Variants in UNC13A observed in about 807,000 individuals in gnomAD.
The protein encoded by UNC13A is unc-13 homolog A, also known as protein unc-13 homolog A.
A neutral mutation model predicts 219.7 loss-of-function variants in UNC13A; 61 were observed. The ratio of observed to expected loss-of-function variants is 0.28; its 90% CI spans 0.23 to 0.34. The LOEUF (loss-of-function observed/expected upper bound fraction) is 0.34, where lower values mean the gene tolerates loss of function less well. Ranked by LOEUF, UNC13A falls within the 10% of genes least tolerant of loss-of-function variation. The probability of loss-of-function intolerance (pLI) is 1.00; values close to 1 mark genes in which losing one functional copy is unlikely to be tolerated. For synonymous variants in UNC13A, 920 were observed against 884.6 expected (o/e 1.04, Z -0.71); for missense variants, 1,476 against 2,270.3 (o/e 0.65, Z 7.11).
intron 11 of UNC13A, among the ~76,000 whole-genome samples, chr19:17,654,599 G>A (rs73009941): frequency 0.087 from 13,285 of 152,156 alleles, 730 homozygotes; most frequent in Non-Finnish European, 0.12. Context: ...AGGAATAAAC[G>A]AATGGCCTCA....
intron 1 of UNC13A, 63 bp downstream of exon 1, chr19:17,688,115 A>T (rs1021754522): frequency 2.0e-6 from 3 of 1,507,818 alleles, no homozygotes; most frequent in Non-Finnish European, 1.8e-6. Flanking sequence ...AGCCGCATCC[A>T]CGCGGACCCC....
In UNC13A at chr19:17,607,486, C is replaced by A. The variant is rs997859292; in HGVS notation, c.4812-1132G>T. ...GGGGGGGGGGGTCTCACCATGTTGGCCACGCTGGTCTCGAACTCCTAACCT... is the reference window on the plus strand; with the variant it reads ...GGGGGGGGGGGTCTCACCATGTTGGACACGCTGGTCTCGAACTCCTAACCT... On this transcript the variant is annotated intron_variant, in intron 43 of 43. Transcript: ENST00000519716. 1.5e-3 allele frequency among the ~76,000 whole-genome samples: 213 copies of A among 146,632 alleles called. 1 individual carries two copies. Among genetic ancestry groups the A allele is most frequent in the African/African-American group, 5.1e-3 (200 of 39,260 alleles).
chr19:17,670,163 G>T (rs2079757557), intron 4 of UNC13A, among the ~76,000 whole-genome samples: 1 of 151,758 alleles, frequency 6.6e-6, no homozygotes, highest in South Asian at 2.1e-4. Context: ...AGCCAGGATG[G>T]TCTCAATCTC....
chr19:17,618,593 A>G, intron 39 of UNC13A, 92 bp from the exon 40 acceptor site: 1 of 1,302,254 alleles, frequency 7.7e-7, no homozygotes, highest in Non-Finnish European at 1.1e-6. Context: ...AACTTGGAGG[A>G]GCTGGGCTGA....
Position 17,676,298 on chromosome 19 carries a change from C to T in UNC13A, c.23-257G>A. 4.9e-6 allele frequency: 3 copies of T among 612,896 alleles called. No homozygotes were observed. The South Asian group carries it at 5.0e-5, about 10-fold the overall frequency. 38.0% of individuals were successfully genotyped at this position (612,896 alleles called of 1,614,324 possible). On this transcript the variant is annotated intron_variant, in intron 1 of 43. Coordinates refer to ENST00000519716, the MANE Select transcript of UNC13A (RefSeq NM_001080421.3). Reference sequence around the variant, plus strand: ...GATGAGAGGGAGAGAGAGAAGCCATCAGACAGATGAGCACAGGCAACCCTA... The same window carrying T: ...GATGAGAGGGAGAGAGAGAAGCCATTAGACAGATGAGCACAGGCAACCCTA...
In UNC13A at chr19:17,627,954, C is replaced by T. The variant is rs1374006894; in HGVS notation, c.3754-14G>A. 2.2e-5 allele frequency: 35 copies of T among 1,581,506 alleles called. No homozygotes were observed. Among genetic ancestry groups the T allele is most frequent in the Non-Finnish European group, 3.0e-5 (35 of 1,161,258 alleles). On this transcript the variant is annotated splice_polypyrimidine_tract_variant and intron_variant, in intron 31 of 43. Coordinates refer to ENST00000519716, the MANE Select transcript of UNC13A (RefSeq NM_001080421.3). This position sits in a 1 kb window ranked among gnomAD's most constrained non-coding sequence, Gnocchi z 4.7. ...GAGAATGCAGGGCTGTGGGTGGGAA[C>T]AGAGAGGGGAGTCAAGCCTCAGGAC...
Position 17,605,917 on chromosome 19 carries a change from G to T in UNC13A, c.*137C>A. On this transcript the variant is annotated 3_prime_UTR_variant, in exon 44 of 44. Coordinates refer to ENST00000519716, the MANE Select transcript of UNC13A (RefSeq NM_001080421.3). Reference sequence around the variant, plus strand: ...CCCCAAAAGGGAAAGCTGAGTCAAGGGCGTAGGCGCAGCCCACCCTTGGCG... The same window carrying T: ...CCCCAAAAGGGAAAGCTGAGTCAAGTGCGTAGGCGCAGCCCACCCTTGGCG... 1 of 797,344 alleles carries T rather than the reference G, an allele frequency of 1.3e-6. No homozygotes were observed. The highest frequency in any genetic ancestry group is 1.8e-6 in the Non-Finnish European group (1 of 561,726). 49.4% of individuals were successfully genotyped at this position (797,344 alleles called of 1,614,324 possible).
intron 11 of UNC13A, among the ~76,000 whole-genome samples, chr19:17,654,041 A>G (rs1182304744): frequency 6.7e-6 from 1 of 149,966 alleles, no homozygotes; most frequent in Admixed American, 6.6e-5. Flanking sequence ...GTTAGCCAGG[A>G]TGGTCTCGAT....
chr19:17,650,848 C>T (rs1759137468), intron 12 of UNC13A, among the ~76,000 whole-genome samples: 1 of 151,966 alleles, frequency 6.6e-6, no homozygotes, highest in South Asian at 2.1e-4. Context: ...CTCACTGTAG[C>T]CTCCACCTCC....
Position 17,649,466 on chromosome 19 carries a change from G to T in UNC13A, c.1518+43C>A. On this transcript the variant is annotated intron_variant, in intron 13 of 43. Coordinates refer to ENST00000519716, the MANE Select transcript of UNC13A (RefSeq NM_001080421.3). The surrounding 1 kb of genome is among the most constrained non-coding windows in gnomAD (Gnocchi z 4.4). ...TTCCACAGGTTGTGCACTGCTTATA[G>T]CAGGCCTGCTCTGCTCAGGGAGTAA... The T allele has an allele frequency of 6.2e-7, 1 of 1,613,788 alleles. No individual in the cohort carries two copies. Among genetic ancestry groups the T allele is most frequent in the East Asian group, 2.2e-5 (1 of 44,886 alleles).
intron 43 of UNC13A, among the ~76,000 whole-genome samples, chr19:17,608,959 C>CT (rs35529137): frequency 0.13 from 18,034 of 134,366 alleles, 2,076 homozygotes; most frequent in African/African-American, 0.31. Flanking sequence ...CCAGAGCAGA[C>CT]TTTTTTTTTT....
chr19:17,635,159 C>T (rs545196547), intron 26 of UNC13A, among the ~76,000 whole-genome samples: 31 of 152,306 alleles, frequency 2.0e-4, no homozygotes, highest in Non-Finnish European at 3.2e-4. Flanking sequence ...AGCCACCGCG[C>T]GTGGCCAATT....
intron 10 of UNC13A, among the ~76,000 whole-genome samples, chr19:17,655,592 C>T (rs774080791): frequency 2.6e-5 from 4 of 152,296 alleles, no homozygotes; most frequent in Non-Finnish European, 4.4e-5. Flanking sequence ...CACTGTTCCT[C>T]GGCTTCCTTT....
At chr19:17,653,126 G>A (rs770910367) in intron 11 of UNC13A, among the ~76,000 whole-genome samples, 5 of 152,052 alleles carry the variant, frequency 3.3e-5, no homozygotes, top group Admixed American at 2.0e-4. Context: ...TTAACATGGG[G>A]GGAGGGGTGG....
intron 4 of UNC13A, among the ~76,000 whole-genome samples, chr19:17,670,376 G>T (rs2079762225): frequency 6.6e-6 from 1 of 151,956 alleles, no homozygotes; most frequent in Non-Finnish European, 1.5e-5. Context: ...GAGCTGCTGG[G>T]ATTACAGGTA....
At chr19:17,677,931 C>T (rs1434704194) in intron 1 of UNC13A, among the ~76,000 whole-genome samples, 1 of 152,126 alleles carries the variant, frequency 6.6e-6, no homozygotes, top group Non-Finnish European at 1.5e-5. Context: ...TGGTAGCATT[C>T]GACACCCACT....
At position 17,606,342 on chromosome 19, in the gene UNC13A, G is replaced by C; in HGVS notation, c.4824C>G (p.Ala1608=). 1 of 1,545,342 alleles carries C rather than the reference G, an allele frequency of 6.5e-7. No homozygotes were observed. ...GCTCATAGCACTCGGGACCCGCGTC[G>C]GCGCTCAGCGTGCTGCGTGGGGAGG... ...YNESFQFTLS[A]DAGPECYELQ... The change falls in exon 44 of 44, where the codon GCC becomes GCG. Residue 1608 remains alanine (A), a synonymous_variant. Coordinates refer to ENST00000519716, the MANE Select transcript of UNC13A (RefSeq NM_001080421.3).
chr19:17,661,842 C>T (rs1342075031), intron 8 of UNC13A, among the ~76,000 whole-genome samples: 1 of 152,130 alleles, frequency 6.6e-6, no homozygotes, highest in African/African-American at 2.4e-5. Flanking sequence ...AGGAGGTGGG[C>T]AGCGGTTGGG....
rs2079701839 is a variant in UNC13A, at chr19:17,668,263, G to T, written c.395-73C>A. ...TCAGCCTCCATCCTCCAGGCCTACT[G>T]AGCTCCACCCGGGCCCTGGCTTCTG... On this transcript the variant is annotated intron_variant, in intron 5 of 43. Transcript: ENST00000519716. 9 of 1,479,310 alleles carry T rather than the reference G, an allele frequency of 6.1e-6. No homozygotes were observed. In the Admixed American group the frequency reaches 1.5e-4, roughly 24 times the overall value. The allele number at this position is 1,479,310 out of a possible 1,614,324, so 91.6% of individuals were successfully genotyped here.
Sources: gnomAD v4.1 joint callset for allele counts (sites outside exome capture counted in the v4.1 genomes callset) on GRCh38, gnomAD v4.1.1 for gene constraint, Gnocchi (gnomAD v3.1) non-coding constraint, MANE v1.5 for transcripts, NCBI Gene and HGNC (gene_info 2026-07-23, HGNC 2026-07-21) for gene names.